Variants in SLC31A1 observed in about 807,000 individuals in gnomAD.
SLC31A1 encodes solute carrier family 31 member 1.
A neutral mutation model predicts 17.2 loss-of-function variants in SLC31A1; 5 were observed. The observed-to-expected ratio is 0.29, with a 90% CI of 0.15 to 0.61. SLC31A1 has a LOEUF of 0.61. Ranked by LOEUF, SLC31A1 falls within the 20% of genes least tolerant of loss-of-function variation. SLC31A1 has a pLI of 0.86. For synonymous variants in SLC31A1, 76 were observed against 78.8 expected (o/e 0.96, Z 0.19); for missense variants, 161 against 241.4 (o/e 0.67, Z 2.21).
intron 4 of SLC31A1, 68 bp from the exon 5 acceptor site, chr9:113,260,204 T>C: frequency 7.2e-7 from 1 of 1,391,772 alleles, no homozygotes; most frequent in Non-Finnish European, 1.0e-6. Context: ...CAAGAACTCT[T>C]CCCTCTTTCT....
chr9:113,221,827 C>G (rs909759012), intron 1 of SLC31A1, 149 bp downstream of exon 1: 7 of 163,332 alleles, frequency 4.3e-5, no homozygotes, highest in African/African-American at 1.7e-4. Flanking sequence ...GGGCTTCGGC[C>G]CGGCCCCTGC....
At chr9:113,231,039 T>G (rs925114383) in intron 1 of SLC31A1, among the ~76,000 whole-genome samples, 3 of 152,094 alleles carry the variant, frequency 2.0e-5, no homozygotes, top group African/African-American at 7.2e-5. Context: ...GAGGTAGATG[T>G]CAAAGTGATC....
At chr9:113,230,543 G>T (rs1017655519) in intron 1 of SLC31A1, among the ~76,000 whole-genome samples, 1 of 152,154 alleles carries the variant, frequency 6.6e-6, no homozygotes, top group African/African-American at 2.4e-5. Flanking sequence ...ATAGGCATGA[G>T]CCACTGTACC....
At chr9:113,248,775 AG>A (rs2119007375) in intron 1 of SLC31A1, among the ~76,000 whole-genome samples, 1 of 152,194 alleles carries the variant, frequency 6.6e-6, no homozygotes, top group East Asian at 1.9e-4. Context: ...CACTGTGCGC[AG>A]GCTTGAAAGT....
chr9:113,260,179 C>T, intron 4 of SLC31A1, 93 bp from the exon 5 acceptor site: 4 of 1,093,098 alleles, frequency 3.7e-6, no homozygotes, highest in Non-Finnish European at 4.2e-6. Flanking sequence ...TGTCCAGTTC[C>T]AGCTGAGCTC....
chr9:113,232,889 G>C (rs1160222729), intron 1 of SLC31A1, among the ~76,000 whole-genome samples: 2 of 152,066 alleles, frequency 1.3e-5, no homozygotes, highest in African/African-American at 4.8e-5. Context: ...GTTAGCTATG[G>C]GGTAGTTGGT....
chr9:113,240,880 T>A (rs1185910324), intron 1 of SLC31A1, among the ~76,000 whole-genome samples: 1 of 151,958 alleles, frequency 6.6e-6, no homozygotes, highest in Non-Finnish European at 1.5e-5. Context: ...TGAAACCCCA[T>A]CTCTACTAAA....
chr9:113,244,406 C>T (rs766418684), intron 1 of SLC31A1, among the ~76,000 whole-genome samples: 44 of 152,070 alleles, frequency 2.9e-4, no homozygotes, highest in Non-Finnish European at 5.6e-4. Context: ...ATAAATTCTG[C>T]TATTACTTGA....
intron 1 of SLC31A1, among the ~76,000 whole-genome samples, chr9:113,245,708 G>A (rs909810257): frequency 6.6e-6 from 1 of 151,084 alleles, no homozygotes; most frequent in Admixed American, 6.6e-5. Flanking sequence ...ATGGCTCACT[G>A]CAGCCATGAC....
chr9:113,248,167 CA>C (rs988916450), intron 1 of SLC31A1, among the ~76,000 whole-genome samples: 4 of 151,822 alleles, frequency 2.6e-5, no homozygotes, highest in East Asian at 3.9e-4. Context: ...AAAAATACAA[CA>C]AAAAAATTAG....
chr9:113,246,512 CG>C (rs1831580321), intron 1 of SLC31A1, among the ~76,000 whole-genome samples: 1 of 151,496 alleles, frequency 6.6e-6, no homozygotes, highest in African/African-American at 2.4e-5. Context: ...CCACCACGCC[CG>C]GCTAATTTTT....
chr9:113,249,407 C>T (rs1015919910), intron 1 of SLC31A1, among the ~76,000 whole-genome samples: 1 of 149,716 alleles, frequency 6.7e-6, no homozygotes, highest in African/African-American at 2.5e-5. Flanking sequence ...GCTCTCATTG[C>T]CCAGGCTGGA....
intron 1 of SLC31A1, chr9:113,223,261 C>T (rs1250379753): frequency 6.7e-6 from 3 of 450,536 alleles, no homozygotes; most frequent in African/African-American, 4.1e-5. Context: ...TTCTCATTAG[C>T]AGTATGAGGA....
At chr9:113,229,602 A>G (rs1406547410) in intron 1 of SLC31A1, among the ~76,000 whole-genome samples, 1 of 152,192 alleles carries the variant, frequency 6.6e-6, no homozygotes, top group Non-Finnish European at 1.5e-5. Flanking sequence ...CACTCCTGTT[A>G]TAAGTAACTT....
Position 113,252,398 on chromosome 9 carries a change from C to T in SLC31A1, c.-35-3716C>T, listed in dbSNP as rs921269806. Among the ~76,000 whole-genome samples the T allele has an allele frequency of 9.2e-5, 14 of 152,234 alleles. No homozygotes were observed. In the South Asian group the frequency reaches 1.0e-3, roughly 11 times the overall value. On this transcript the variant is annotated intron_variant, in intron 1 of 4. Coordinates refer to ENST00000374212, the MANE Select transcript of SLC31A1 (RefSeq NM_001859.4). ...GCAACCTCCGCCTCCCGGGTTCAAGCGATTCTCCTGCCTCAGCCTCCCAAG... is the reference window on the plus strand; with the variant it reads ...GCAACCTCCGCCTCCCGGGTTCAAGTGATTCTCCTGCCTCAGCCTCCCAAG...
intron 1 of SLC31A1, among the ~76,000 whole-genome samples, chr9:113,224,919 G>A (rs937373609): frequency 6.6e-6 from 1 of 152,216 alleles, no homozygotes; most frequent in Non-Finnish European, 1.5e-5. Context: ...CATAATGGTA[G>A]TATCCATTTC....
Position 113,221,614 on chromosome 9 carries a change from C to G in SLC31A1, c.-100C>G. 2.6e-6 allele frequency: 1 copy of G among 384,482 alleles called. No homozygotes were observed. The highest frequency in any genetic ancestry group is 5.0e-6 in the Non-Finnish European group (1 of 200,446). 23.8% of individuals were successfully genotyped at this position (384,482 alleles called of 1,614,324 possible). On this transcript the variant is annotated 5_prime_UTR_variant, in exon 1 of 5. Coordinates refer to ENST00000374212, the MANE Select transcript of SLC31A1 (RefSeq NM_001859.4). ...GAAGTGGAGGGGCCGTTCGAAGAGT[C>G]GTGAGGGGGTGACGGGTTAAGATTC...
Position 113,227,507 on chromosome 9 carries a change from G to A in SLC31A1, c.-36+5829G>A, listed in dbSNP as rs1202845845. 2.6e-5 allele frequency: 4 copies of A among 152,134 alleles called. No homozygotes were observed. In the East Asian group the frequency reaches 7.7e-4, roughly 29 times the overall value. 9.4% of individuals were successfully genotyped at this position (152,134 alleles called of 1,614,324 possible). ...GAGCTTAAGCAGTCTGCCCACCTTG[G>A]CCTCTTAGAGTGCTGGGATTACAGG... On this transcript the variant is annotated intron_variant, in intron 1 of 4. Coordinates refer to ENST00000374212, the MANE Select transcript of SLC31A1 (RefSeq NM_001859.4).
chr9:113,224,522 G>A (rs878903818), intron 1 of SLC31A1, among the ~76,000 whole-genome samples: 5 of 151,290 alleles, frequency 3.3e-5, no homozygotes, highest in Admixed American at 2.0e-4. Context: ...TCCACCTCCC[G>A]GGTTCAAGCG....
Sources: gnomAD v4.1 joint callset for allele counts (sites outside exome capture counted in the v4.1 genomes callset) on GRCh38, gnomAD v4.1.1 for gene constraint, MANE v1.5 for transcripts, NCBI Gene and HGNC (gene_info 2026-07-23, HGNC 2026-07-21) for gene names.